Variants in DGKB observed in about 807,000 individuals in gnomAD.
DGKB encodes 90 kDa diacylglycerol kinase.
DGKB carries 67 observed loss-of-function variants against 114.3 expected under a neutral mutation model. The observed-to-expected ratio is 0.59, with a 90% confidence interval of 0.48 to 0.72. The LOEUF (loss-of-function observed/expected upper bound fraction) is 0.72, where lower values mean the gene tolerates loss of function less well. Among genes scored for constraint, DGKB ranks in the 30% least tolerant of loss-of-function variants. The pLI is 0.00. For missense variants in DGKB, 907 were observed against 975.2 expected, an observed-to-expected ratio of 0.93 and a Z score of 0.93; for synonymous variants, 398 against 323.1, an observed-to-expected ratio of 1.23 and a Z score of -2.49.
At chr7:14,956,145 G>A (rs1283343929) in intron 1 of DGKB, among the ~76,000 whole-genome samples, 5 of 151,910 alleles carry the variant, frequency 3.3e-5, no homozygotes, top group Non-Finnish European at 7.4e-5. Context: ...AATGATAACC[G>A]ATAGATGTAA....
intron 23 of DGKB, among the ~76,000 whole-genome samples, chr7:14,220,120 G>A (rs368932614): frequency 7.3e-5 from 11 of 151,594 alleles, no homozygotes; most frequent in African/African-American, 2.7e-4. Flanking sequence ...AAACTGTACA[G>A]CATGTTTACT....
chr7:14,176,968 T>G, intron 24 of DGKB, 69 bp from the exon 25 acceptor site: 1 of 1,588,934 alleles, frequency 6.3e-7, no homozygotes, highest in Non-Finnish European at 8.6e-7. Context: ...ATGTGAGATA[T>G]AAGATGATGA....
At chr7:14,191,919 A>T (rs1784374547) in intron 23 of DGKB, 1 of 634,222 alleles carries the variant, frequency 1.6e-6, no homozygotes, top group African/African-American at 1.9e-5. Context: ...CAGTCTGGTA[A>T]AAAGCTGGAA....
intron 21 of DGKB, among the ~76,000 whole-genome samples, chr7:14,416,934 G>A (rs532932438): frequency 3.9e-5 from 6 of 152,044 alleles, no homozygotes; most frequent in African/African-American, 7.2e-5. Context: ...CAAGATTGTC[G>A]TCTGCTCCCC....
chr7:14,183,059 C>A (rs1484642434), intron 23 of DGKB, among the ~76,000 whole-genome samples: 1 of 152,126 alleles, frequency 6.6e-6, no homozygotes, highest in Non-Finnish European at 1.5e-5. Flanking sequence ...TATAATGACA[C>A]TTATTGAGCC....
At chr7:14,303,137 T>C (rs1229465703) in intron 23 of DGKB, among the ~76,000 whole-genome samples, 3 of 152,176 alleles carry the variant, frequency 2.0e-5, no homozygotes, top group Non-Finnish European at 4.4e-5. Flanking sequence ...CGTCTTTTTA[T>C]GGCAACACCT....
intron 23 of DGKB, among the ~76,000 whole-genome samples, chr7:14,298,353 C>T (rs971819896): frequency 1.3e-5 from 2 of 152,162 alleles, no homozygotes; most frequent in Non-Finnish European, 2.9e-5. Flanking sequence ...GGTACCAAAA[C>T]AGATATATAG....
At chr7:14,399,092 T>A (rs1271412929) in intron 21 of DGKB, among the ~76,000 whole-genome samples, 1 of 151,514 alleles carries the variant, frequency 6.6e-6, no homozygotes, top group African/African-American at 2.4e-5. Context: ...AACATATGTA[T>A]CCGAGTTGAA....
chr7:14,643,809 C>T (rs1375847727), intron 13 of DGKB, among the ~76,000 whole-genome samples: 1 of 152,178 alleles, frequency 6.6e-6, no homozygotes, highest in Admixed American at 6.5e-5. Context: ...GGTCCACTGC[C>T]AGTGCCCCAA....
chr7:14,330,979 T>C (rs1269794714), intron 23 of DGKB, among the ~76,000 whole-genome samples: 1 of 151,994 alleles, frequency 6.6e-6, no homozygotes, highest in African/African-American at 2.4e-5. Context: ...TTTTACAAAC[T>C]TCAAAATTAT....
At chr7:14,393,740 C>A (rs149034381) in intron 21 of DGKB, among the ~76,000 whole-genome samples, 3 of 152,128 alleles carry the variant, frequency 2.0e-5, no homozygotes, top group African/African-American at 4.8e-5. Context: ...GGTTAGAGAA[C>A]CCTCAAGGAT....
At chr7:14,962,011 T>C (rs943762399) in intron 1 of DGKB, among the ~76,000 whole-genome samples, 1 of 152,102 alleles carries the variant, frequency 6.6e-6, no homozygotes, top group Non-Finnish European at 1.5e-5. Flanking sequence ...TGATATTAAG[T>C]GGGGCGATAT....
intron 2 of DGKB, among the ~76,000 whole-genome samples, chr7:14,792,541 T>C (rs902047821): frequency 1.3e-5 from 2 of 152,084 alleles, no homozygotes; most frequent in Non-Finnish European, 2.9e-5. Context: ...AATCTTTCTG[T>C]AAATGACAAC....
At chr7:14,964,975 A>G (rs1230825953) in intron 1 of DGKB, among the ~76,000 whole-genome samples, 1 of 152,168 alleles carries the variant, frequency 6.6e-6, no homozygotes, top group African/African-American at 2.4e-5. Context: ...AGGGATATGG[A>G]TTGACTAGAT....
intron 20 of DGKB, among the ~76,000 whole-genome samples, chr7:14,504,853 C>G (rs1489668205): frequency 6.6e-6 from 1 of 152,122 alleles, no homozygotes; most frequent in Non-Finnish European, 1.5e-5. Flanking sequence ...CCACTAAATA[C>G]TAGATGATTT....
rs1359310306 is a variant in DGKB, at chr7:14,283,108, A to G, written c.2122+55407T>C. 4.6e-5 allele frequency among the ~76,000 whole-genome samples: 7 copies of G among 151,728 alleles called. No individual in the cohort carries two copies. The Admixed American group carries it at 4.7e-4, about 10-fold the overall frequency. On this transcript the variant is annotated intron_variant, in intron 23 of 25. Coordinates refer to ENST00000402815, the MANE Select transcript of DGKB (RefSeq NM_001350709.2). Reference sequence around the variant, plus strand: ...GCAGATGACATGATTATATATCTAGAAAAACCCACTGTCTCAGCCCAAAAT... The same window carrying G: ...GCAGATGACATGATTATATATCTAGGAAAACCCACTGTCTCAGCCCAAAAT...
intron 13 of DGKB, among the ~76,000 whole-genome samples, chr7:14,662,466 G>A (rs1428895553): frequency 6.6e-6 from 1 of 151,918 alleles, no homozygotes; most frequent in Non-Finnish European, 1.5e-5. Context: ...AACACAGTAT[G>A]GGGAAAATGA....
intron 21 of DGKB, among the ~76,000 whole-genome samples, chr7:14,421,408 T>A (rs1171357398): frequency 1.3e-5 from 2 of 152,094 alleles, no homozygotes; most frequent in Non-Finnish European, 2.9e-5. Flanking sequence ...ACTTTTTGAA[T>A]AAAATAATGT....
In DGKB at chr7:14,152,583, C is replaced by A. The variant is rs181139372; in HGVS notation, c.2305-3345G>T. ...GTGGCAGAGAAAGGTTCTTCCACTGCCCATGACTATTTCTACTTCTGTCTT... is the reference window on the plus strand; with the variant it reads ...GTGGCAGAGAAAGGTTCTTCCACTGACCATGACTATTTCTACTTCTGTCTT... On this transcript the variant is annotated intron_variant, in intron 25 of 25. Transcript: ENST00000402815. 2.0e-5 allele frequency among the ~76,000 whole-genome samples: 3 copies of A among 152,144 alleles called. No individual in the cohort carries two copies. In the East Asian group the frequency reaches 5.8e-4, roughly 29 times the overall value.
Sources: allele counts gnomAD v4.1 joint callset (sites outside exome capture counted in the v4.1 genomes callset), GRCh38; gene constraint gnomAD v4.1.1; transcripts MANE v1.5; gene names NCBI Gene and HGNC (gene_info 2026-07-23, HGNC 2026-07-21).